The following SLC26A5 variants were observed in gnomAD, a reference collection of about 807,000 sequenced individuals.
SLC26A5 encodes the protein solute carrier family 26 member 5.
A neutral mutation model predicts 81.0 loss-of-function variants in SLC26A5; 51 were observed. That is an observed-to-expected ratio of 0.63 (90% CI 0.50 to 0.80). SLC26A5 has a LOEUF of 0.80. Among genes scored for constraint, SLC26A5 ranks in the 30% least tolerant of loss-of-function variants. The probability of loss-of-function intolerance (pLI) is 0.00; values close to 1 mark genes in which losing one functional copy is unlikely to be tolerated. For synonymous variants in SLC26A5, 325 were observed against 332.8 expected (o/e 0.98, Z 0.25); for missense variants, 771 against 905.8 (o/e 0.85, Z 1.91).
At chr7:103,400,488 T>C (rs1211401821) in intron 8 of SLC26A5, among the ~76,000 whole-genome samples, 1 of 152,216 alleles carries the variant, frequency 6.6e-6, no homozygotes, top group Non-Finnish European at 1.5e-5. Flanking sequence ...GATGGACAGA[T>C]TGCAAAAATT....
intron 11 of SLC26A5, 134 bp downstream of exon 11, chr7:103,391,488 G>A: frequency 1.4e-6 from 1 of 736,232 alleles, no homozygotes; most frequent in Non-Finnish European, 2.4e-6. Flanking sequence ...GCCTTTCTCT[G>A]ATTCCCTACA....
intron 8 of SLC26A5, among the ~76,000 whole-genome samples, chr7:103,405,784 C>T (rs1823999429): frequency 6.6e-6 from 1 of 152,196 alleles, no homozygotes; most frequent in Non-Finnish European, 1.5e-5. Flanking sequence ...CCACAGCTGC[C>T]CCTTCCCCCA....
At chr7:103,444,140 A>G (rs780079821) in intron 1 of SLC26A5, among the ~76,000 whole-genome samples, 1 of 152,244 alleles carries the variant, frequency 6.6e-6, no homozygotes, top group Non-Finnish European at 1.5e-5. Flanking sequence ...AATTGGATCT[A>G]TCCTCCAACA....
At chr7:103,377,397 T>C (rs1456334936) in intron 18 of SLC26A5, among the ~76,000 whole-genome samples, 7 of 152,182 alleles carry the variant, frequency 4.6e-5, no homozygotes, top group African/African-American at 1.7e-4. Context: ...TGACCATAAA[T>C]TGATCATTGT....
rs371431816 is a variant in SLC26A5 at position 103,393,076 on chromosome 7, C to T, written c.972-10G>A. 8 of 1,613,686 alleles carry T rather than the reference C, an allele frequency of 5.0e-6. No homozygotes were observed. The highest frequency in any genetic ancestry group is 6.8e-6 in the Non-Finnish European group (8 of 1,179,830). On this transcript the variant is annotated splice_polypyrimidine_tract_variant and intron_variant, in intron 9 of 19. Coordinates refer to ENST00000306312, the MANE Select transcript of SLC26A5 (RefSeq NM_198999.3). Reference sequence around the variant, plus strand: ...GGCTGGAGGTAGCAGCCTGAAAAGTCAAGCTGCCTTTAACTTGTGTTGTGA... The same window carrying T: ...GGCTGGAGGTAGCAGCCTGAAAAGTTAAGCTGCCTTTAACTTGTGTTGTGA...
Position 103,361,255 on chromosome 7 carries a change from G to A in SLC26A5, c.2042-8329C>T, listed in dbSNP as rs748730130. Among the ~76,000 whole-genome samples, 35 of 151,818 alleles carry A rather than the reference G, an allele frequency of 2.3e-4. 1 individual carries two copies. In the Middle Eastern group the frequency reaches 0.01, roughly 44 times the overall value. The stretch of plus-strand genomic sequence containing the variant: ...TCCCAGCACTTTGGGAAGCTGAGGC[G>A]GGCGGATCACCTGAGGTTGGGATTT... On this transcript the variant is annotated intron_variant, in intron 19 of 19. Coordinates refer to the SLC26A5 transcript ENST00000339444.
In SLC26A5 at chr7:103,367,410, C is replaced by G. The variant is rs1470658593; in HGVS notation, c.2041+9398G>C. On this transcript the variant is annotated intron_variant, in intron 19 of 19. Transcript: ENST00000339444. This position sits in a 1 kb window ranked among gnomAD's most constrained non-coding sequence, Gnocchi z 6.1. ...GAGCTTATCTTTCCTTTTGTCTTCT[C>G]AGGGGCTCGTTTTGATGATGGTGCT... The G allele has an allele frequency of 6.2e-7, 1 of 1,613,218 alleles. No individual in the cohort carries two copies. Among genetic ancestry groups the G allele is most frequent in the South Asian group, 1.1e-5 (1 of 91,014 alleles).
At chr7:103,397,452 A>T (rs1301903602) in intron 9 of SLC26A5, among the ~76,000 whole-genome samples, 1 of 149,500 alleles carries the variant, frequency 6.7e-6, no homozygotes, top group Non-Finnish European at 1.5e-5. Context: ...GAGGGAGGAG[A>T]ATGGCATGAA....
At chr7:103,362,601 A>G in intron 19 of SLC26A5, 6 of 1,469,286 alleles carry the variant, frequency 4.1e-6, no homozygotes, top group Non-Finnish European at 5.6e-6. Flanking sequence ...TTCTTAAAGT[A>G]TGGTTTTGGG....
chr7:103,431,990 A>C (rs7786798), intron 2 of SLC26A5, among the ~76,000 whole-genome samples: 1 of 152,174 alleles, frequency 6.6e-6, no homozygotes, highest in Admixed American at 6.5e-5. Context: ...AGCTCGGTTC[A>C]CTGCAACTTC....
At chr7:103,384,541 C>T (rs1360869104) in intron 14 of SLC26A5, among the ~76,000 whole-genome samples, 1 of 151,964 alleles carries the variant, frequency 6.6e-6, no homozygotes, top group Non-Finnish European at 1.5e-5. Context: ...TGCTTGAACC[C>T]AGGAGGTGGA....
chr7:103,372,023 C>T (rs1821074510), downstream of SLC26A5, among the ~76,000 whole-genome samples: 1 of 152,118 alleles, frequency 6.6e-6, no homozygotes. Context: ...GTTTAAAATC[C>T]TTAAATTCTA....
At chr7:103,406,087 C>A (rs967333153) in intron 8 of SLC26A5, among the ~76,000 whole-genome samples, 4 of 152,236 alleles carry the variant, frequency 2.6e-5, no homozygotes, top group African/African-American at 9.6e-5. Flanking sequence ...GTGAGAATTT[C>A]AAGCCAATGG....
At chr7:103,368,423 T>G (rs1343206227) in intron 19 of SLC26A5, 1 of 161,954 alleles carries the variant, frequency 6.2e-6, no homozygotes, top group African/African-American at 2.4e-5. Context: ...GCATAAACTT[T>G]CCTACTTACT....
intron 14 of SLC26A5, among the ~76,000 whole-genome samples, chr7:103,383,032 G>A (rs1480519266): frequency 1.3e-5 from 2 of 152,176 alleles, no homozygotes; most frequent in African/African-American, 4.8e-5. Context: ...TCCTCCATAA[G>A]CATTCAGAGA....
intron 2 of SLC26A5, among the ~76,000 whole-genome samples, chr7:103,431,559 C>T (rs972933163): frequency 6.6e-6 from 1 of 152,200 alleles, no homozygotes; most frequent in Non-Finnish European, 1.5e-5. Flanking sequence ...CTCATGGGCT[C>T]AAGTGATCCT....
At chr7:103,408,392 A>G (rs549300860) in intron 7 of SLC26A5, among the ~76,000 whole-genome samples, 272 of 152,004 alleles carry the variant, frequency 1.8e-3, no homozygotes, top group African/African-American at 6.4e-3. Flanking sequence ...ACACCCAGCT[A>G]ATTTTTGTAT....
intron 8 of SLC26A5, 76 bp downstream of exon 8, chr7:103,407,775 C>T: frequency 3.9e-6 from 6 of 1,529,256 alleles, no homozygotes; most frequent in African/African-American, 1.4e-5. Flanking sequence ...TCCTTTCATC[C>T]ACTTCAAAAT....
At chr7:103,408,652 G>A (rs1231264744) in intron 7 of SLC26A5, among the ~76,000 whole-genome samples, 4 of 152,208 alleles carry the variant, frequency 2.6e-5, no homozygotes, top group African/African-American at 9.6e-5. Context: ...AGGGTTGATA[G>A]CAAAGTACTC....
Sources: allele counts gnomAD v4.1 joint callset (sites outside exome capture counted in the v4.1 genomes callset), GRCh38; gene constraint gnomAD v4.1.1; non-coding constraint Gnocchi (gnomAD v3.1); transcripts MANE v1.5; gene names NCBI Gene and HGNC (gene_info 2026-07-23, HGNC 2026-07-21).